The following RPRD1A variants were observed in gnomAD, a reference collection of about 807,000 sequenced individuals.
RPRD1A encodes regulation of nuclear pre-mRNA domain containing 1A, also known as regulation of nuclear pre-mRNA domain-containing protein 1A.
RPRD1A carries 9 observed loss-of-function variants against 37.8 expected under a neutral mutation model. That is an observed-to-expected ratio of 0.24 (90% CI 0.14 to 0.42). The LOEUF (loss-of-function observed/expected upper bound fraction) is 0.42. Ranked by LOEUF, RPRD1A falls within the 10% of genes least tolerant of loss-of-function variation. The pLI, the probability that RPRD1A is intolerant of heterozygous loss-of-function variation, is 1.00. For synonymous variants in RPRD1A, 138 were observed against 139.7 expected, an observed-to-expected ratio of 0.99 and a Z score of 0.08; for missense variants, 255 against 371.0, an observed-to-expected ratio of 0.69 and a Z score of 2.57.
At chr18:36,050,214 G>A (rs1050421808) in intron 1 of RPRD1A, among the ~76,000 whole-genome samples, 1 of 151,734 alleles carries the variant, frequency 6.6e-6, no homozygotes, top group Non-Finnish European at 1.5e-5. Flanking sequence ...AAGAAAAAAG[G>A]TTGAAATTGT....
chr18:35,997,646 T>C (rs746840793), intron 6 of RPRD1A, among the ~76,000 whole-genome samples: 1 of 152,244 alleles, frequency 6.6e-6, no homozygotes, highest in Non-Finnish European at 1.5e-5. Context: ...AAACCAACTT[T>C]GCACCTTTTT....
At chr18:36,049,416 C>A (rs1315026288) in intron 1 of RPRD1A, among the ~76,000 whole-genome samples, 1 of 150,648 alleles carries the variant, frequency 6.6e-6, no homozygotes, top group African/African-American at 2.4e-5. Context: ...CAAAAACCTG[C>A]ATATAATTTT....
intron 6 of RPRD1A, among the ~76,000 whole-genome samples, chr18:35,996,486 A>G (rs189591643): frequency 0.01 from 1,579 of 152,288 alleles, 12 homozygotes; most frequent in South Asian, 0.019. Context: ...GTGAACATAA[A>G]CTGCTCAAGG....
intron 1 of RPRD1A, among the ~76,000 whole-genome samples, chr18:36,064,958 T>C (rs2088997350): frequency 6.7e-6 from 1 of 149,798 alleles, no homozygotes; most frequent in African/African-American, 2.5e-5. Flanking sequence ...CCAGACGCAC[T>C]GCCTTTAAGA....
intron 6 of RPRD1A, among the ~76,000 whole-genome samples, chr18:36,004,379 C>T (rs1036408826): frequency 1.3e-5 from 2 of 152,014 alleles, no homozygotes; most frequent in African/African-American, 2.4e-5. Flanking sequence ...CTCTGCCTCC[C>T]GAGTAGCTAG....
chr18:36,031,208 A>G, intron 2 of RPRD1A, 111 bp from the exon 3 acceptor site: 2 of 1,304,332 alleles, frequency 1.5e-6, no homozygotes, highest in Non-Finnish European at 2.0e-6. Context: ...TTCCCTGGAA[A>G]AAACTGTCCA....
chr18:36,033,007 T>A (rs529823089), intron 2 of RPRD1A, among the ~76,000 whole-genome samples: 55 of 152,116 alleles, frequency 3.6e-4, no homozygotes, highest in African/African-American at 1.3e-3. Context: ...AGAGGGCAAG[T>A]AAAGAATGGA....
Position 36,031,184 on chromosome 18 carries a change from T to C in RPRD1A, c.282-87A>G, listed in dbSNP as rs1911762090. 3.6e-6 allele frequency: 5 copies of C among 1,385,318 alleles called. No homozygotes were observed. The South Asian group carries it at 6.7e-5, about 19-fold the overall frequency. 85.8% of individuals were successfully genotyped at this position (1,385,318 alleles called of 1,614,324 possible). The stretch of plus-strand genomic sequence containing the variant: ...AAAAGGTTAACGGTAACTTTAAATA[T>C]AATCAGACATTCATTCCCTGGAAAA... On this transcript the variant is annotated intron_variant, in intron 2 of 6. Transcript: ENST00000399022.
intron 6 of RPRD1A, chr18:36,024,816 A>C (rs1911248170): frequency 6.6e-6 from 1 of 152,206 alleles, no homozygotes; most frequent in African/African-American, 2.4e-5. Flanking sequence ...AAAAAAGTCT[A>C]AATATCTCAA....
intron 2 of RPRD1A, 130 bp downstream of exon 2, chr18:36,033,578 T>C (rs1405552203): frequency 1.6e-5 from 11 of 669,902 alleles, no homozygotes; most frequent in South Asian, 3.7e-5. Context: ...TAGAGGGAAG[T>C]CTTTTCAAAT....
At chr18:35,993,342 A>C (rs1349024604) in intron 6 of RPRD1A, 42 bp from the exon 7 acceptor site, 1 of 1,607,478 alleles carries the variant, frequency 6.2e-7, no homozygotes, top group Non-Finnish European at 8.5e-7. Context: ...AGGGATTGAA[A>C]AAACTTCCTA....
intron 6 of RPRD1A, among the ~76,000 whole-genome samples, chr18:36,017,390 G>A (rs1178876280): frequency 1.3e-5 from 2 of 152,040 alleles, no homozygotes; most frequent in Admixed American, 1.3e-4. Flanking sequence ...GTTGCATCTG[G>A]TCTCCCTACT....
intron 6 of RPRD1A, among the ~76,000 whole-genome samples, chr18:35,994,968 T>C (rs975996531): frequency 6.6e-6 from 1 of 152,156 alleles, no homozygotes; most frequent in Non-Finnish European, 1.5e-5. Flanking sequence ...ACCCAAAAGA[T>C]GGCATGACCC....
At position 36,026,912 on chromosome 18, in the gene RPRD1A, C is replaced by G; in HGVS notation, c.777G>C (p.Glu259Asp). 6.2e-7 allele frequency: 1 copy of G among 1,613,448 alleles called. No homozygotes were observed. Residue 259 changes from glutamate to aspartate, a missense_variant, in exon 6 of 7, where the codon GAG becomes GAC. This residue lies in a region of RPRD1A where 211 missense variants were observed against 268.9 expected (regional missense o/e 0.78). Transcript: ENST00000399022. ...RCQKEALAEKEHKLEEYKRKL... is the reference protein window; with the variant it reads ...RCQKEALAEKDHKLEEYKRKL... The stretch of plus-strand genomic sequence containing the variant: ...AAAGGTTACGCACTTCCAATTTATG[C>G]TCTTTCTCTGCAAGGGCTTCCTTTT...
chr18:36,048,152 C>T (rs1043948021), intron 1 of RPRD1A, among the ~76,000 whole-genome samples: 1 of 151,394 alleles, frequency 6.6e-6, no homozygotes, highest in African/African-American at 2.4e-5. Flanking sequence ...CCGCAACCTC[C>T]ACCTCCCAGG....
At chr18:36,010,500 A>AC (rs143110283) in intron 6 of RPRD1A, among the ~76,000 whole-genome samples, 1,863 of 152,236 alleles carry the variant, frequency 0.012, 34 homozygotes, top group African/African-American at 0.043. Flanking sequence ...CTGTCTCAAA[A>AC]AAAACAAAAC....
intron 1 of RPRD1A, among the ~76,000 whole-genome samples, chr18:36,059,608 A>C (rs1257220906): frequency 2.0e-5 from 3 of 152,200 alleles, no homozygotes; most frequent in Non-Finnish European, 4.4e-5. Flanking sequence ...TTTAAGAGTA[A>C]AGAGATCCTC....
At chr18:36,025,737 T>A (rs1053428705) in intron 6 of RPRD1A, 1 of 832,952 alleles carries the variant, frequency 1.2e-6, no homozygotes, top group Non-Finnish European at 1.7e-6. Flanking sequence ...AAGACAAAAA[T>A]TGTATGACAT....
intron 1 of RPRD1A, among the ~76,000 whole-genome samples, chr18:36,064,954 G>T (rs149460603): frequency 1.4e-5 from 2 of 147,846 alleles, no homozygotes; most frequent in Non-Finnish European, 3.0e-5. Flanking sequence ...AACTCCAGAC[G>T]CACTGCCTTT....
Sources: gnomAD v4.1 joint callset for allele counts (sites outside exome capture counted in the v4.1 genomes callset) on GRCh38, gnomAD v4.1.1 for gene constraint, gnomAD v4.1.1 regional missense constraint, MANE v1.5 for transcripts, NCBI Gene and HGNC (gene_info 2026-07-23, HGNC 2026-07-21) for gene names.